The following PIK3C2A variants were observed in gnomAD, a reference collection of about 807,000 sequenced individuals.
PIK3C2A encodes phosphatidylinositol 4-phosphate 3-kinase C2 domain-containing subunit alpha.
In PIK3C2A, 97 loss-of-function variants were observed where a neutral mutation model predicts 204.5. The observed-to-expected ratio is 0.47, with a 90% CI of 0.40 to 0.56. PIK3C2A has a LOEUF of 0.56. Ranked by LOEUF, PIK3C2A falls within the 20% of genes least tolerant of loss-of-function variation. The probability of loss-of-function intolerance (pLI) is 0.00; values close to 1 mark genes in which losing one functional copy is unlikely to be tolerated. For synonymous variants in PIK3C2A, 653 were observed against 664.4 expected, an observed-to-expected ratio of 0.98 and a Z score of 0.26; for missense variants, 1,735 against 1,969.2, an observed-to-expected ratio of 0.88 and a Z score of 2.25.
chr11:17,137,651 C>T (rs372126436), intron 8 of PIK3C2A, among the ~76,000 whole-genome samples: 15 of 152,048 alleles, frequency 9.9e-5, no homozygotes, highest in South Asian at 2.1e-4. Flanking sequence ...TCAGATGATC[C>T]GCCCGCCTCA....
Position 17,105,284 on chromosome 11 carries a change from G to A in PIK3C2A, c.3566C>T (p.Ala1189Val). Residue 1189 changes from alanine (A) to valine (V), a missense_variant, in exon 23 of 33, where the codon GCT becomes GTT. Ala to Val is a moderately conservative substitution (Grantham distance 64, BLOSUM62 0). Transcript: ENST00000691414. ...TTGGATTTTCCTGAGGGTATCGGAAGCAGGAACCAGCTCCACCATGCCTTT... is the reference window on the plus strand; with the variant it reads ...TTGGATTTTCCTGAGGGTATCGGAAACAGGAACCAGCTCCACCATGCCTTT... ...RDRGMVELVP[A>V]SDTLRKIQVE... 6.2e-7 allele frequency: 1 copy of A among 1,610,464 alleles called. No homozygotes were observed. Among genetic ancestry groups the A allele is most frequent in the South Asian group, 1.1e-5 (1 of 90,368 alleles).
intron 21 of PIK3C2A, among the ~76,000 whole-genome samples, chr11:17,111,435 C>G (rs547243578): frequency 1.6e-4 from 25 of 152,210 alleles, no homozygotes; most frequent in African/African-American, 5.3e-4. Context: ...ATTAACCCCC[C>G]AAAATGAATT....
intron 22 of PIK3C2A, among the ~76,000 whole-genome samples, chr11:17,109,701 CTATT>C (rs1053842525): frequency 7.9e-5 from 12 of 152,150 alleles, no homozygotes; most frequent in African/African-American, 2.9e-4. Context: ...GCAGCTGAGA[CTATT>C]TATTCATTTT....
rs189070335 is a variant in PIK3C2A at position 17,103,296 on chromosome 11, G to A, written c.3682-465C>T. ...AAACATCCAAGAATACAAGTAATGT[G>A]TTTTGTTTCCCATGTGGTGATTCCC... On this transcript the variant is annotated intron_variant, in intron 23 of 32. Transcript: ENST00000691414. Among the ~76,000 whole-genome samples, 3 of 152,170 alleles carry A rather than the reference G, an allele frequency of 2.0e-5. No homozygotes were observed. The East Asian group carries it at 5.9e-4, about 30-fold the overall frequency.
intron 3 of PIK3C2A, among the ~76,000 whole-genome samples, chr11:17,154,396 A>G (rs1027329112): frequency 6.6e-6 from 1 of 152,180 alleles, no homozygotes; most frequent in Non-Finnish European, 1.5e-5. Flanking sequence ...AATATCACCA[A>G]TGGTCCAGAA....
At chr11:17,162,905 CCTGA>C (rs1379129987) in intron 2 of PIK3C2A, among the ~76,000 whole-genome samples, 1 of 152,164 alleles carries the variant, frequency 6.6e-6, no homozygotes, top group Non-Finnish European at 1.5e-5. Context: ...AACCTGTCTC[CCTGA>C]CTTTCTTCCC....
chr11:17,189,470 C>T (rs1391203049), intron 1 of PIK3C2A, among the ~76,000 whole-genome samples: 1 of 146,082 alleles, frequency 6.8e-6, no homozygotes, highest in Non-Finnish European at 1.5e-5. Context: ...CAAAAATTAG[C>T]TGGGCATGGT....
At chr11:17,108,614 C>T (rs1449237333) in intron 22 of PIK3C2A, among the ~76,000 whole-genome samples, 1 of 152,046 alleles carries the variant, frequency 6.6e-6, no homozygotes, top group African/African-American at 2.4e-5. Flanking sequence ...AGTAAGATCC[C>T]ATCTCTGAAA....
chr11:17,132,858 T>C (rs908083378), intron 11 of PIK3C2A, among the ~76,000 whole-genome samples: 1 of 152,210 alleles, frequency 6.6e-6, no homozygotes, highest in South Asian at 2.1e-4. Flanking sequence ...GGACAGATGC[T>C]ATTGAATTCT....
At chr11:17,135,055 T>A in intron 10 of PIK3C2A, 26 bp from the exon 11 acceptor site, 2 of 1,611,800 alleles carry the variant, frequency 1.2e-6, no homozygotes. Context: ...AAAAAGTTAA[T>A]AGATTCTCTG....
At chr11:17,151,593 T>C (rs1470085082) in intron 3 of PIK3C2A, among the ~76,000 whole-genome samples, 3 of 152,214 alleles carry the variant, frequency 2.0e-5, no homozygotes, top group Non-Finnish European at 4.4e-5. Context: ...CTGATTATAC[T>C]ACTTATTAGC....
At chr11:17,102,175 G>A (rs1255972681) in intron 24 of PIK3C2A, among the ~76,000 whole-genome samples, 10 of 151,980 alleles carry the variant, frequency 6.6e-5, no homozygotes, top group South Asian at 2.1e-4. Context: ...GGTGGCTCAC[G>A]CCTGTAATCC....
intron 22 of PIK3C2A, among the ~76,000 whole-genome samples, chr11:17,108,267 G>C (rs569736082): frequency 1.3e-5 from 2 of 152,252 alleles, no homozygotes; most frequent in East Asian, 3.9e-4. Flanking sequence ...ATATAACAAA[G>C]TTAATAGCTA....
In PIK3C2A at chr11:17,094,251, G is replaced by T; in HGVS notation, c.4451+10C>A. On this transcript the variant is annotated intron_variant, in intron 28 of 32. Coordinates refer to ENST00000691414, the MANE Select transcript of PIK3C2A (RefSeq NM_002645.4). ...ACAAAAAGGATTAATGTACAAGGAT[G>T]AATACATACCCTGGTAACTTCCAAA... 1.3e-6 allele frequency: 2 copies of T among 1,597,936 alleles called. No individual in the cohort carries two copies. The highest frequency in any genetic ancestry group is 1.7e-5 in the Admixed American group (1 of 58,804).
chr11:17,090,853 C>A (rs1337982776), intron 32 of PIK3C2A, among the ~76,000 whole-genome samples: 1 of 151,814 alleles, frequency 6.6e-6, no homozygotes, highest in Admixed American at 6.6e-5. Context: ...AATCCTTTGA[C>A]CTCAGCCTCC....
chr11:17,118,872 A>G, intron 17 of PIK3C2A, 133 bp from the exon 18 acceptor site: 1 of 550,552 alleles, frequency 1.8e-6, no homozygotes, highest in Non-Finnish European at 3.2e-6. Context: ...TAAAAATTAA[A>G]TAGATGAATT....
At chr11:17,207,102 A>G (rs1591038712) in intron 1 of PIK3C2A, among the ~76,000 whole-genome samples, 1 of 152,174 alleles carries the variant, frequency 6.6e-6, no homozygotes, top group African/African-American at 2.4e-5. Flanking sequence ...CCCAAAAAAT[A>G]ATTCCACAGC....
intron 13 of PIK3C2A, 21 bp downstream of exon 13, chr11:17,129,279 T>C (rs1427253920): frequency 3.1e-6 from 5 of 1,603,988 alleles, no homozygotes; most frequent in African/African-American, 1.3e-5. Flanking sequence ...TGACTCACCA[T>C]TACAATTCGG....
At chr11:17,101,638 C>G (rs61763081) in intron 24 of PIK3C2A, among the ~76,000 whole-genome samples, 105 of 146,278 alleles carry the variant, frequency 7.2e-4, no homozygotes, top group African/African-American at 2.6e-3. Flanking sequence ...GAGTCCTGCT[C>G]TGTCGCCCAG....
Sources: allele counts gnomAD v4.1 joint callset (sites outside exome capture counted in the v4.1 genomes callset), GRCh38; gene constraint gnomAD v4.1.1; transcripts MANE v1.5; gene names NCBI Gene and HGNC (gene_info 2026-07-23, HGNC 2026-07-21).